The following LAPTM5 variants were observed in gnomAD, a reference collection of about 807,000 sequenced individuals.
The protein encoded by LAPTM5 is lysosomal-associated transmembrane protein 5.
Under a neutral mutation model 30.1 loss-of-function variants are expected in LAPTM5, and 11 were observed. The ratio of observed to expected loss-of-function variants is 0.37; its 90% CI spans 0.23 to 0.60. LAPTM5 has a LOEUF of 0.60. Among genes scored for constraint, LAPTM5 ranks in the 20% least tolerant of loss-of-function variants. The pLI is 0.71. For synonymous variants in LAPTM5, 151 were observed against 137.9 expected, an observed-to-expected ratio of 1.10 and a Z score of -0.67; for missense variants, 324 against 332.5, an observed-to-expected ratio of 0.97 and a Z score of 0.20.
At chr1:30,751,804 C>G (rs1640142155) in intron 1 of LAPTM5, among the ~76,000 whole-genome samples, 1 of 152,190 alleles carries the variant, frequency 6.6e-6, no homozygotes, top group South Asian at 2.1e-4. Flanking sequence ...CACCTGCTAG[C>G]CCTCCACCCG....
At chr1:30,740,379 C>G (rs1248231235) in intron 3 of LAPTM5, among the ~76,000 whole-genome samples, 2 of 151,388 alleles carry the variant, frequency 1.3e-5, no homozygotes, top group African/African-American at 4.9e-5. Flanking sequence ...AGTGAAGGCC[C>G]GGAGGCAGCA....
rs1557461857 is a variant in LAPTM5, at chr1:30,739,767, T to G, written c.387+42A>C. The stretch of plus-strand genomic sequence containing the variant: ...CCCCTCCCATCTCCCATGCCAGACC[T>G]GGGCTCTGCTGTCCGGTGAGAGGTG... On this transcript the variant is annotated intron_variant, in intron 4 of 7. Coordinates refer to ENST00000294507, the MANE Select transcript of LAPTM5 (RefSeq NM_006762.3). This position sits in a 1 kb window ranked among gnomAD's most constrained non-coding sequence, Gnocchi z 4.2. 6.5e-7 allele frequency: 1 copy of G among 1,548,758 alleles called. No individual in the cohort carries two copies. Among genetic ancestry groups the G allele is most frequent in the Non-Finnish European group, 8.7e-7 (1 of 1,144,758 alleles).
chr1:30,738,859 C>A, intron 5 of LAPTM5, 81 bp downstream of exon 5: 1 of 1,467,520 alleles, frequency 6.8e-7, no homozygotes. Context: ...TGGCCTAAAC[C>A]ACAGACACAC....
intron 7 of LAPTM5, among the ~76,000 whole-genome samples, chr1:30,734,414 C>A (rs1639858157): frequency 6.6e-6 from 1 of 152,108 alleles, no homozygotes; most frequent in African/African-American, 2.4e-5. Flanking sequence ...TTTTTGCCAC[C>A]ACAAGGGATG....
intron 1 of LAPTM5, among the ~76,000 whole-genome samples, chr1:30,744,512 T>C (rs1640016627): frequency 2.0e-5 from 3 of 152,198 alleles, no homozygotes; most frequent in Non-Finnish European, 4.4e-5. Flanking sequence ...ATCTGCCAGC[T>C]GTGAAATGAG....
chr1:30,744,966 G>GA (rs951007828), intron 1 of LAPTM5, among the ~76,000 whole-genome samples: 4 of 152,036 alleles, frequency 2.6e-5, no homozygotes, highest in African/African-American at 9.7e-5. Flanking sequence ...TTATATGATG[G>GA]AAAAATTTAG....
In LAPTM5 at chr1:30,741,680, A is replaced by T. The variant is rs1639972413; in HGVS notation, c.218T>A (p.Leu73His). Residue 73 changes from leucine to histidine, a missense_variant, in exon 3 of 8, where the codon CTC becomes CAC. Leu to His is a moderately conservative substitution (Grantham distance 99). Transcript: ENST00000294507. ...CAGTAGGCTCAGGCTGATGATGAAG[A>T]GCATGGTGATGAGCAGGAAGCTGGA... ...LISSFLLITM[L>H]FIISLSLLIG... 6.2e-7 allele frequency: 1 copy of T among 1,608,834 alleles called. No individual in the cohort carries two copies. Among genetic ancestry groups the T allele is most frequent in the Non-Finnish European group, 8.5e-7 (1 of 1,177,596 alleles).
At position 30,757,735 on chromosome 1, in the gene LAPTM5, C is replaced by G. The variant is rs146490774; in HGVS notation, c.11G>C (p.Arg4Pro). Residue 4 changes from arginine (R) to proline (P), a missense_variant, in exon 1 of 8, where the codon CGC becomes CCC. By Grantham distance (103) the Arg-to-Pro change is moderately radical. Coordinates refer to ENST00000294507, the MANE Select transcript of LAPTM5 (RefSeq NM_006762.3). The part of the protein sequence containing the change: MDP[R>P]LSTVRQTCCC... ...GCAGGTCTGGCGGACAGTGGACAAG[C>G]GGGGGTCCATGGTGCTGCCGTCCCC... 4.3e-6 allele frequency: 7 copies of G among 1,613,488 alleles called. 1 individual carries two copies. The South Asian group carries it at 7.7e-5, about 18-fold the overall frequency.
chr1:30,752,722 T>C (rs1364333133), intron 1 of LAPTM5, among the ~76,000 whole-genome samples: 1 of 152,212 alleles, frequency 6.6e-6, no homozygotes, highest in Non-Finnish European at 1.5e-5. Context: ...GTCAGGGCTG[T>C]ATCCCGGCCT....
chr1:30,748,467 A>G (rs1260379233), intron 1 of LAPTM5, among the ~76,000 whole-genome samples: 1 of 151,884 alleles, frequency 6.6e-6, no homozygotes, highest in East Asian at 1.9e-4. Flanking sequence ...CAGTCCCCTC[A>G]ACCTCACCTG....
Position 30,741,622 on chromosome 1 carries a change from G to A in LAPTM5, c.258+18C>T. 1 of 1,575,026 alleles carries A rather than the reference G, an allele frequency of 6.3e-7. No individual in the cohort carries two copies. On this transcript the variant is annotated intron_variant, in intron 3 of 7. Transcript: ENST00000294507. Reference sequence around the variant, plus strand: ...TAACAGGAAGGGGCAGGGGGCAGCGGGGCTCCTGAGCCCTCACCTTGACTA... The same window carrying A: ...TAACAGGAAGGGGCAGGGGGCAGCGAGGCTCCTGAGCCCTCACCTTGACTA...
intron 1 of LAPTM5, among the ~76,000 whole-genome samples, chr1:30,747,814 A>T (rs1309754360): frequency 6.6e-6 from 1 of 152,110 alleles, no homozygotes; most frequent in African/African-American, 2.4e-5. Flanking sequence ...GTCACCTGGG[A>T]GGCACTGGCC....
At chr1:30,750,815 C>T (rs1297144080) in intron 1 of LAPTM5, among the ~76,000 whole-genome samples, 1 of 152,210 alleles carries the variant, frequency 6.6e-6, no homozygotes, top group Non-Finnish European at 1.5e-5. Flanking sequence ...TTTCCGGTGC[C>T]ACAAATGGTA....
intron 1 of LAPTM5, among the ~76,000 whole-genome samples, chr1:30,747,857 G>A (rs1640070613): frequency 6.6e-6 from 1 of 152,170 alleles, no homozygotes; most frequent in Non-Finnish European, 1.5e-5. Flanking sequence ...AGTGGCTGTT[G>A]GGATGTTGTT....
rs1640229446 is a variant in LAPTM5 at position 30,757,566 on chromosome 1, T to C, written c.87+93A>G. 1.3e-5 allele frequency: 17 copies of C among 1,328,888 alleles called. No individual in the cohort carries two copies. In the South Asian group the frequency reaches 2.0e-4, roughly 16 times the overall value. The allele number at this position is 1,328,888 out of a possible 1,614,324, so 82.3% of individuals were successfully genotyped here. On this transcript the variant is annotated intron_variant, in intron 1 of 7. Coordinates refer to ENST00000294507, the MANE Select transcript of LAPTM5 (RefSeq NM_006762.3). ...CAGAGAGGTGGAGAGCAGGAGTTCT[T>C]TCATTTGTGGGGCTCCGTAGATGAC... is the stretch of plus-strand genomic sequence containing the variant.
intron 1 of LAPTM5, among the ~76,000 whole-genome samples, chr1:30,749,275 G>A (rs1042042771): frequency 2.6e-5 from 4 of 152,148 alleles, no homozygotes; most frequent in South Asian, 2.1e-4. Context: ...TCATTTCTAC[G>A]TAATTCTACA....
chr1:30,735,086 A>G (rs1639866894), intron 7 of LAPTM5, 87 bp downstream of exon 7: 1 of 877,810 alleles, frequency 1.1e-6, no homozygotes, highest in South Asian at 1.4e-5. Flanking sequence ...AAATAGAGAA[A>G]CCAAGGTCCA....
At chr1:30,756,605 G>A (rs1013446498) in intron 1 of LAPTM5, among the ~76,000 whole-genome samples, 5 of 152,246 alleles carry the variant, frequency 3.3e-5, no homozygotes, top group Non-Finnish European at 5.9e-5. Flanking sequence ...TCCAGAGGCC[G>A]TGGGCTAACC....
rs2124172434 is a variant in LAPTM5, at chr1:30,733,399, C to T, written c.*429G>A. The T allele has an allele frequency of 1.7e-6, 1 of 572,678 alleles. No homozygotes were observed. Among genetic ancestry groups the T allele is most frequent in the African/African-American group, 2.0e-5 (1 of 50,508 alleles). The allele number at this position is 572,678 out of a possible 1,614,324, so 35.5% of individuals were successfully genotyped here. On this transcript the variant is annotated 3_prime_UTR_variant, in exon 8 of 8. Transcript: ENST00000294507. ...TTACTTGATTAAATTGCTATGTGAA[C>T]TGACAACTATTTATAAATCAATGCA...
Sources: allele counts gnomAD v4.1 joint callset (sites outside exome capture counted in the v4.1 genomes callset), GRCh38; gene constraint gnomAD v4.1.1; non-coding constraint Gnocchi (gnomAD v3.1); transcripts MANE v1.5; gene names NCBI Gene and HGNC (gene_info 2026-07-23, HGNC 2026-07-21).